Variants in NMD3 observed in about 807,000 individuals in gnomAD.
The protein encoded by NMD3 is 60S ribosomal export protein NMD3.
NMD3 carries 47 observed loss-of-function variants against 73.1 expected under a neutral mutation model. That is an observed-to-expected ratio of 0.64 (90% CI 0.51 to 0.82). The LOEUF is 0.82. Among genes scored for constraint, NMD3 ranks in the 40% least tolerant of loss-of-function variants. The pLI is 0.00. For missense variants in NMD3, 554 were observed against 612.5 expected, an observed-to-expected ratio of 0.90 and a Z score of 1.01; for synonymous variants, 210 against 194.5, an observed-to-expected ratio of 1.08 and a Z score of -0.66.
At chr3:161,247,152 C>T in intron 12 of NMD3, 106 bp from the exon 13 acceptor site, 1 of 655,738 alleles carries the variant, frequency 1.5e-6, no homozygotes, top group Non-Finnish European at 2.8e-6. Context: ...AAGTGAGAAG[C>T]ATATTAAATG....
At chr3:161,232,664 G>C (rs959978192) in intron 4 of NMD3, among the ~76,000 whole-genome samples, 1 of 151,600 alleles carries the variant, frequency 6.6e-6, no homozygotes, top group African/African-American at 2.4e-5. Flanking sequence ...TTTTTTTTCT[G>C]CATCACTTGG....
At chr3:161,227,788 C>T (rs13096027) in intron 4 of NMD3, among the ~76,000 whole-genome samples, 4 of 151,962 alleles carry the variant, frequency 2.6e-5, no homozygotes, top group Non-Finnish European at 5.9e-5. Flanking sequence ...CCAGTAGCAC[C>T]CCACTACAAA....
intron 4 of NMD3, among the ~76,000 whole-genome samples, chr3:161,230,174 C>T (rs1736478538): frequency 6.6e-6 from 1 of 152,162 alleles, no homozygotes; most frequent in Non-Finnish European, 1.5e-5. Context: ...TCATGTCTCA[C>T]TGCAGCCTCA....
intron 3 of NMD3, among the ~76,000 whole-genome samples, chr3:161,225,321 G>A (rs919729180): frequency 7.2e-5 from 11 of 152,280 alleles, no homozygotes; most frequent in African/African-American, 2.6e-4. Flanking sequence ...TAGATTTGAT[G>A]TATATAGTTA....
At chr3:161,235,282 A>G (rs757112308) in intron 7 of NMD3, 70 bp downstream of exon 7, 15 of 700,520 alleles carry the variant, frequency 2.1e-5, no homozygotes, top group Non-Finnish European at 3.6e-5. Flanking sequence ...GTAATCTTAT[A>G]TTTACTGATA....
chr3:161,224,811 T>C, intron 2 of NMD3, 119 bp from the exon 3 acceptor site: 1 of 1,013,532 alleles, frequency 9.9e-7, no homozygotes, highest in Non-Finnish European at 1.4e-6. Flanking sequence ...TGTTATTTTT[T>C]TGAAAAGGGC....
At chr3:161,226,485 A>C (rs987131162) in intron 3 of NMD3, among the ~76,000 whole-genome samples, 1 of 152,114 alleles carries the variant, frequency 6.6e-6, no homozygotes, top group Non-Finnish European at 1.5e-5. Context: ...ATAAATATGT[A>C]CTTATAAACA....
chr3:161,234,695 A>G (rs1736675941), intron 5 of NMD3, 32 bp from the exon 6 acceptor site: 1 of 1,556,104 alleles, frequency 6.4e-7, no homozygotes, highest in East Asian at 2.3e-5. Flanking sequence ...AAACAAAACC[A>G]AAAGAATGAA....
At chr3:161,223,133 C>G (rs1046871400) in intron 2 of NMD3, 4 of 152,224 alleles carry the variant, frequency 2.6e-5, no homozygotes, top group Non-Finnish European at 5.9e-5. Context: ...CTGTCAGGAA[C>G]TGCTTTCTTT....
At chr3:161,242,975 CTT>C (rs970471242) in intron 11 of NMD3, among the ~76,000 whole-genome samples, 28 of 152,132 alleles carry the variant, frequency 1.8e-4, no homozygotes, top group African/African-American at 6.5e-4. Flanking sequence ...GTTATCTTGA[CTT>C]TTAAAAAGTC....
At chr3:161,239,019 A>T (rs1274722943) in intron 9 of NMD3, among the ~76,000 whole-genome samples, 193 bp downstream of exon 9, 1 of 152,168 alleles carries the variant, frequency 6.6e-6, no homozygotes, top group East Asian at 1.9e-4. Context: ...TATAATTATG[A>T]ATTGACATGC....
intron 10 of NMD3, among the ~76,000 whole-genome samples, 186 bp from the exon 11 acceptor site, chr3:161,242,322 C>T (rs902621095): frequency 2.0e-4 from 30 of 152,224 alleles, no homozygotes; most frequent in African/African-American, 7.2e-4. Context: ...ATATATTTTT[C>T]TTGTGCTTTG....
Position 161,221,987 on chromosome 3 carries a change from T to TAAAA in NMD3, c.-20-7_-20-6insAAAA. On this transcript the variant is annotated splice_region_variant and splice_polypyrimidine_tract_variant and intron_variant, in intron 1 of 15. Coordinates refer to ENST00000351193, the MANE Select transcript of NMD3 (RefSeq NM_015938.5). The stretch of plus-strand genomic sequence containing the variant: ...TTTTTTTTTTTTTTTTTTTTTTTTT[T>TAAAA]TAAAAGAACTTAAGGCATACAGAAC... 7.9e-7 allele frequency: 1 copy of TAAAA among 1,273,482 alleles called. No individual in the cohort carries two copies. Among genetic ancestry groups the TAAAA allele is most frequent in the Non-Finnish European group, 1.1e-6 (1 of 939,476 alleles). 78.9% of individuals were successfully genotyped at this position (1,273,482 alleles called of 1,614,324 possible).
upstream of NMD3, chr3:161,221,159 C>G (rs1331678370): frequency 2.0e-5 from 3 of 152,238 alleles, no homozygotes; most frequent in Non-Finnish European, 4.4e-5. Context: ...CAAATGAGCC[C>G]CTGGGACTTC....
intron 4 of NMD3, among the ~76,000 whole-genome samples, chr3:161,229,427 G>A (rs1379625452): frequency 6.6e-6 from 1 of 152,142 alleles, no homozygotes; most frequent in African/African-American, 2.4e-5. Flanking sequence ...ATGTGTTTTT[G>A]TAAGAGACAG....
chr3:161,240,526 ATT>A (rs539406360), intron 9 of NMD3, among the ~76,000 whole-genome samples: 2 of 111,688 alleles, frequency 1.8e-5, no homozygotes, highest in Non-Finnish European at 1.7e-5. Context: ...TGGGCCCTGG[ATT>A]TTTTTTTTTT....
At chr3:161,228,719 T>A (rs1736422921) in intron 4 of NMD3, among the ~76,000 whole-genome samples, 1 of 152,182 alleles carries the variant, frequency 6.6e-6, no homozygotes, top group African/African-American at 2.4e-5. Flanking sequence ...AAACTGCTTT[T>A]GGTGTTGGGG....
chr3:161,252,733 T>A (rs1416644169), downstream of NMD3: 2 of 649,104 alleles, frequency 3.1e-6, no homozygotes, highest in Non-Finnish European at 5.5e-6. Context: ...TTTATAAATA[T>A]AATTTACAAG....
At chr3:161,240,677 A>G (rs1175307467) in intron 9 of NMD3, among the ~76,000 whole-genome samples, 1 of 150,150 alleles carries the variant, frequency 6.7e-6, no homozygotes, top group Non-Finnish European at 1.5e-5. Context: ...GGCATGCACC[A>G]CCACGTTTGG....
Sources: gnomAD v4.1 joint callset for allele counts (sites outside exome capture counted in the v4.1 genomes callset) on GRCh38, gnomAD v4.1.1 for gene constraint, MANE v1.5 for transcripts, NCBI Gene and HGNC (gene_info 2026-07-23, HGNC 2026-07-21) for gene names.